Variants in DCUN1D3 observed in about 807,000 individuals in gnomAD.
DCUN1D3 encodes the protein defective in cullin neddylation 1 domain containing 3.
In DCUN1D3, 6 loss-of-function variants were observed where a neutral mutation model predicts 24.8. That is an observed-to-expected ratio of 0.24 (90% CI 0.13 to 0.48). The LOEUF (loss-of-function observed/expected upper bound fraction) is 0.48. DCUN1D3 is among the 20% of genes least tolerant of loss of function. The pLI, the probability that DCUN1D3 is intolerant of heterozygous loss-of-function variation, is 0.99. For synonymous variants in DCUN1D3, 120 were observed against 144.9 expected (o/e 0.83, Z 1.24); for missense variants, 258 against 379.4 (o/e 0.68, Z 2.66).
chr16:20,862,646 G>T lies in DCUN1D3; in HGVS notation c.-105-3C>A. The stretch of plus-strand genomic sequence containing the variant: ...ATCAGCCAGAGGAGCCAGCCAACCT[G>T]GAAGGAAATTAGAAAGCCATCACCT... On this transcript the variant is annotated splice_polypyrimidine_tract_variant and splice_region_variant and intron_variant, in intron 1 of 2. Transcript: ENST00000324344. The T allele has an allele frequency of 6.6e-7, 1 of 1,515,236 alleles. No homozygotes were observed. The highest frequency in any genetic ancestry group is 8.8e-7 in the Non-Finnish European group (1 of 1,142,806). The allele number at this position is 1,515,236 out of a possible 1,614,324, so 93.9% of individuals were successfully genotyped here. A position where few individuals can be genotyped will look rare whatever the true frequency, so the allele number is the denominator to read the frequency against.
chr16:20,860,376 C>T lies in DCUN1D3; in HGVS notation c.432-7G>A, dbSNP rs2081725731. 6 of 1,606,910 alleles carry T rather than the reference C, an allele frequency of 3.7e-6. No homozygotes were observed. The highest frequency in any genetic ancestry group is 1.7e-5 in the Admixed American group (1 of 59,174). On this transcript the variant is annotated splice_polypyrimidine_tract_variant and splice_region_variant and intron_variant, in intron 2 of 2. Coordinates refer to ENST00000324344, the MANE Select transcript of DCUN1D3 (RefSeq NM_173475.4). This position sits in a 1 kb window ranked among gnomAD's most constrained non-coding sequence, Gnocchi z 4.3. ...GCCATCAAAAAACTCCTTCCTGCAACAGAAAGGAAAAGGACAATTAATCAT... is the reference window on the plus strand; with the variant it reads ...GCCATCAAAAAACTCCTTCCTGCAATAGAAAGGAAAAGGACAATTAATCAT...
chr16:20,890,429 G>T (rs1399561452), intron 1 of DCUN1D3, among the ~76,000 whole-genome samples: 1 of 151,992 alleles, frequency 6.6e-6, no homozygotes, highest in Non-Finnish European at 1.5e-5. Flanking sequence ...TTTGAGACCA[G>T]CCTGGGCAAC....
At chr16:20,876,539 T>G (rs747894193) in intron 1 of DCUN1D3, among the ~76,000 whole-genome samples, 3 of 151,172 alleles carry the variant, frequency 2.0e-5, no homozygotes, top group Non-Finnish European at 2.9e-5. Flanking sequence ...TGGAAAACAG[T>G]ATAAAGGGCC....
intron 1 of DCUN1D3, among the ~76,000 whole-genome samples, 178 bp from the exon 2 acceptor site, chr16:20,862,821 G>A (rs1051868732): frequency 2.0e-5 from 3 of 152,148 alleles, no homozygotes; most frequent in Non-Finnish European, 2.9e-5. Flanking sequence ...CCTTGGCGAC[G>A]CAGAGGCTGG....
chr16:20,889,439 T>C (rs1262606463), intron 1 of DCUN1D3, among the ~76,000 whole-genome samples: 1 of 152,072 alleles, frequency 6.6e-6, no homozygotes, highest in Non-Finnish European at 1.5e-5. Context: ...TTTCTTGCAT[T>C]AGGGAAGTCT....
At chr16:20,882,326 C>T (rs1033138238) in intron 1 of DCUN1D3, among the ~76,000 whole-genome samples, 9 of 150,578 alleles carry the variant, frequency 6.0e-5, no homozygotes, top group Admixed American at 5.3e-4. Context: ...AATCTCAGCT[C>T]ACCAAAACCT....
At chr16:20,870,404 T>G (rs539662763) in intron 1 of DCUN1D3, among the ~76,000 whole-genome samples, 1 of 152,270 alleles carries the variant, frequency 6.6e-6, no homozygotes, top group African/African-American at 2.4e-5. Context: ...CTCTCCTTAA[T>G]CATCTTAGTT....
chr16:20,860,452 T>C lies in DCUN1D3; in HGVS notation c.432-83A>G, dbSNP rs2081726189. ...TATACATAGTGATTAAGAGCAAGGCTTTCAGGCCAGATGGTCTGAATTTGA... is the reference window on the plus strand; with the variant it reads ...TATACATAGTGATTAAGAGCAAGGCCTTCAGGCCAGATGGTCTGAATTTGA... On this transcript the variant is annotated intron_variant, in intron 2 of 2. Coordinates refer to ENST00000324344, the MANE Select transcript of DCUN1D3 (RefSeq NM_173475.4). This position sits in a 1 kb window ranked among gnomAD's most constrained non-coding sequence, Gnocchi z 4.3. 1 of 1,421,880 alleles carries C rather than the reference T, an allele frequency of 7.0e-7. No individual in the cohort carries two copies. The highest frequency in any genetic ancestry group is 1.4e-5 in the South Asian group (1 of 70,476). The allele number at this position is 1,421,880 out of a possible 1,614,324, so 88.1% of individuals were successfully genotyped here.
intron 1 of DCUN1D3, among the ~76,000 whole-genome samples, chr16:20,892,034 T>G (rs1403756752): frequency 6.6e-6 from 1 of 152,186 alleles, no homozygotes; most frequent in Non-Finnish European, 1.5e-5. Context: ...AAAGGCCAGC[T>G]ACCCTACACA....
chr16:20,897,302 G>A (rs572576940), intron 1 of DCUN1D3, among the ~76,000 whole-genome samples: 1 of 152,346 alleles, frequency 6.6e-6, no homozygotes, highest in East Asian at 1.9e-4. Flanking sequence ...TGGTCAAGGT[G>A]AGGCTGAAAA....
chr16:20,898,461 T>C (rs2081930031), intron 1 of DCUN1D3, among the ~76,000 whole-genome samples: 1 of 152,206 alleles, frequency 6.6e-6, no homozygotes, highest in Non-Finnish European at 1.5e-5. Context: ...GGCTAGCACT[T>C]AGGAGTCAAT....
chr16:20,886,305 TAG>T (rs2081868124), intron 1 of DCUN1D3, among the ~76,000 whole-genome samples: 1 of 152,206 alleles, frequency 6.6e-6, no homozygotes, highest in Non-Finnish European at 1.5e-5. Flanking sequence ...GGCGCTGCAC[TAG>T]AGTTACTGAG....
chr16:20,884,683 A>G (rs1487647323), intron 1 of DCUN1D3, among the ~76,000 whole-genome samples: 1 of 152,178 alleles, frequency 6.6e-6, no homozygotes, highest in Non-Finnish European at 1.5e-5. Context: ...AATGTGCCCA[A>G]TGACACAGGT....
At chr16:20,883,135 G>A (rs1291657259) in intron 1 of DCUN1D3, among the ~76,000 whole-genome samples, 1 of 152,154 alleles carries the variant, frequency 6.6e-6, no homozygotes, top group African/African-American at 2.4e-5. Context: ...TGGGCCTCAT[G>A]TCAGGGATCA....
In DCUN1D3 at chr16:20,860,771, T is replaced by C. The variant is rs1174348790; in HGVS notation, c.432-402A>G. Among the ~76,000 whole-genome samples, 2 of 152,190 alleles carry C rather than the reference T, an allele frequency of 1.3e-5. No homozygotes were observed. Among genetic ancestry groups the C allele is most frequent in the African/African-American group, 4.8e-5 (2 of 41,432 alleles). On this transcript the variant is annotated intron_variant, in intron 2 of 2. Coordinates refer to ENST00000324344, the MANE Select transcript of DCUN1D3 (RefSeq NM_173475.4). This position sits in a 1 kb window ranked among gnomAD's most constrained non-coding sequence, Gnocchi z 4.3. ...TTCCTGTTTCCCTTCTGATTCTCTA[T>C]GGGTTGTTTGTTTGGGGTATATTTT...
chr16:20,874,719 G>GT (rs2081805346), intron 1 of DCUN1D3, among the ~76,000 whole-genome samples: 2 of 152,250 alleles, frequency 1.3e-5, no homozygotes, highest in African/African-American at 2.4e-5. Context: ...TTAAGAAAGT[G>GT]TTTAAGTTTC....
intron 1 of DCUN1D3, among the ~76,000 whole-genome samples, chr16:20,864,078 A>G (rs1567422071): frequency 6.6e-6 from 1 of 152,208 alleles, no homozygotes; most frequent in Non-Finnish European, 1.5e-5. Flanking sequence ...ATTTCATAAC[A>G]AAGACACCAA....
chr16:20,873,805 C>T (rs1383633038), intron 1 of DCUN1D3, among the ~76,000 whole-genome samples: 1 of 152,072 alleles, frequency 6.6e-6, no homozygotes, highest in Non-Finnish European at 1.5e-5. Context: ...GGAGATGCTA[C>T]CAGAAAGAGC....
At position 20,857,720 on chromosome 16, in the gene DCUN1D3, A is replaced by G. The variant is rs2081709021; in HGVS notation, c.*2166T>C. 1 of 152,234 alleles carries G rather than the reference A, an allele frequency of 6.6e-6. No homozygotes were observed. Among genetic ancestry groups the G allele is most frequent in the South Asian group, 2.1e-4 (1 of 4,832 alleles). 9.4% of individuals were successfully genotyped at this position (152,234 alleles called of 1,614,324 possible). On this transcript the variant is annotated 3_prime_UTR_variant, in exon 3 of 3. Transcript: ENST00000324344. ...TATTTAGCTAGAACAGAAGCCAGGC[A>G]TCTGGCCCAAGACCCCCTTCAGCTT...
Sources: gnomAD v4.1 joint callset for allele counts (sites outside exome capture counted in the v4.1 genomes callset) on GRCh38, gnomAD v4.1.1 for gene constraint, Gnocchi (gnomAD v3.1) non-coding constraint, MANE v1.5 for transcripts, NCBI Gene and HGNC (gene_info 2026-07-23, HGNC 2026-07-21) for gene names.